The following HECW1 variants were observed in gnomAD, a reference collection of about 807,000 sequenced individuals.
HECW1 encodes the protein E3 ubiquitin-protein ligase HECW1.
In HECW1, 61 loss-of-function variants were observed where a neutral mutation model predicts 182.3. That is an observed-to-expected ratio of 0.33 (90% CI 0.27 to 0.41). The LOEUF (loss-of-function observed/expected upper bound fraction) is 0.41. HECW1 is among the 10% of genes least tolerant of loss of function. The pLI, the probability that HECW1 is intolerant of heterozygous loss-of-function variation, is 1.00. For missense variants in HECW1, 1,739 were observed against 2,108.9 expected, an observed-to-expected ratio of 0.82 and a Z score of 3.44; for synonymous variants, 859 against 832.6, an observed-to-expected ratio of 1.03 and a Z score of -0.55.
At chr7:43,469,946 G>A (rs75824139) in intron 16 of HECW1, among the ~76,000 whole-genome samples, 1,580 of 152,270 alleles carry the variant, frequency 0.01, 29 homozygotes, top group African/African-American at 0.036. Context: ...ATGTCCCCTC[G>A]AAGCCATGAG....
At chr7:43,349,489 A>G (rs1814116808) in intron 5 of HECW1, among the ~76,000 whole-genome samples, 1 of 152,178 alleles carries the variant, frequency 6.6e-6, no homozygotes, top group Non-Finnish European at 1.5e-5. Flanking sequence ...GTTGCTGTCT[A>G]TATCATTTCT....
rs10574466 is a variant in HECW1 at position 43,401,567 on chromosome 7, G to GTTTTTTT, written c.631+4691_631+4697dup. On this transcript the variant is annotated intron_variant, in intron 7 of 29. Transcript: ENST00000395891. ...ACCTAGACAAATCTCATTTAAAAAG[G>GTTTTTTT]TTTTTTTTTTTTTTTTTTTCCCCCA... Among the ~76,000 whole-genome samples, 321 of 123,144 alleles carry GTTTTTTT rather than the reference G, an allele frequency of 2.6e-3. 3 individuals carry two copies. The highest frequency in any genetic ancestry group is 4.3e-3 in the South Asian group (15 of 3,476). The allele number at this position is 123,144 out of a possible 152,430, so 80.8% of individuals were successfully genotyped here. A position where few individuals can be genotyped will look rare whatever the true frequency, so the allele number is the denominator to read the frequency against.
intron 8 of HECW1, 86 bp downstream of exon 8, chr7:43,407,817 G>A (rs2075661813): frequency 8.1e-7 from 1 of 1,230,640 alleles, no homozygotes; most frequent in Admixed American, 2.2e-5. Flanking sequence ...CTCCATTCAT[G>A]GAGCCCTGGA....
At chr7:43,308,045 T>TATATTATATATTATATTATATA (rs1562812639) in intron 3 of HECW1, among the ~76,000 whole-genome samples, 2 of 112,108 alleles carry the variant, frequency 1.8e-5, no homozygotes, top group Non-Finnish European at 1.7e-5. Flanking sequence ...TATATTGTAT[T>TATATTATATATTATATTATATA]ATATATAATA....
chr7:43,313,908 G>A (rs977127807), intron 4 of HECW1, among the ~76,000 whole-genome samples: 4 of 152,140 alleles, frequency 2.6e-5, no homozygotes, highest in African/African-American at 4.8e-5. Flanking sequence ...TAGCACTTGA[G>A]GCAATTAGGT....
chr7:43,377,854 A>G (rs893113868), intron 6 of HECW1: 1 of 197,374 alleles, frequency 5.1e-6, no homozygotes, highest in Non-Finnish European at 1.1e-5. Flanking sequence ...AGCTATGGAT[A>G]ATTTCCCTGC....
chr7:43,471,051 G>A (rs1246846650), intron 16 of HECW1, among the ~76,000 whole-genome samples: 1 of 152,172 alleles, frequency 6.6e-6, no homozygotes, highest in Non-Finnish European at 1.5e-5. Flanking sequence ...TTTACAACCA[G>A]ATAAATAAGT....
rs901626538 is a variant in HECW1, at chr7:43,243,124, T to C, written c.-31-751T>C. Among the ~76,000 whole-genome samples, 1 of 152,198 alleles carries C rather than the reference T, an allele frequency of 6.6e-6. No individual in the cohort carries two copies. The highest frequency in any genetic ancestry group is 2.1e-4 in the South Asian group (1 of 4,828). On this transcript the variant is annotated intron_variant, in intron 2 of 29. Coordinates refer to ENST00000395891, the MANE Select transcript of HECW1 (RefSeq NM_015052.5). This position sits in a 1 kb window ranked among gnomAD's most constrained non-coding sequence, Gnocchi z 4.0. ...CCACATTGATTATTTTCATGGTGAC[T>C]GTAACTCCCAAGGAAGATGAGGTTA...
rs753461412 is a variant in HECW1 at position 43,479,596 on chromosome 7, T to C, written c.3100-14T>C. ...CACACCACACGGTGCTTTTTTTCACTGGTCTGTTCGCAGTCTTTTTTCGTG... is the reference window on the plus strand; with the variant it reads ...CACACCACACGGTGCTTTTTTTCACCGGTCTGTTCGCAGTCTTTTTTCGTG... On this transcript the variant is annotated splice_polypyrimidine_tract_variant and intron_variant, in intron 16 of 29. Coordinates refer to ENST00000395891, the MANE Select transcript of HECW1 (RefSeq NM_015052.5). The C allele has an allele frequency of 1.2e-6, 2 of 1,614,054 alleles. No individual in the cohort carries two copies. Among genetic ancestry groups the C allele is most frequent in the Non-Finnish European group, 1.7e-6 (2 of 1,179,930 alleles).
intron 3 of HECW1, among the ~76,000 whole-genome samples, chr7:43,278,842 C>T (rs1006013154): frequency 3.3e-5 from 5 of 152,158 alleles, no homozygotes; most frequent in Admixed American, 6.5e-5. Context: ...AACTCCCTTC[C>T]CTGCCTCACA....
chr7:43,117,515 A>G (rs895464570), intron 2 of HECW1, among the ~76,000 whole-genome samples: 2 of 127,900 alleles, frequency 1.6e-5, no homozygotes, highest in African/African-American at 3.2e-5. Context: ...ATTCATTACC[A>G]TTGCTTTTCC....
At chr7:43,193,004 A>T (rs1232442518) in intron 2 of HECW1, among the ~76,000 whole-genome samples, 2 of 152,214 alleles carry the variant, frequency 1.3e-5, no homozygotes, top group Non-Finnish European at 2.9e-5. Flanking sequence ...ATTATATGCT[A>T]AATGATGGTT....
intron 3 of HECW1, among the ~76,000 whole-genome samples, chr7:43,301,978 TAA>T (rs919038506): frequency 1.3e-5 from 2 of 152,072 alleles, no homozygotes; most frequent in African/African-American, 4.8e-5. Flanking sequence ...TATAAGAATT[TAA>T]AAGAGAGCAT....
intron 2 of HECW1, among the ~76,000 whole-genome samples, chr7:43,157,584 A>G (rs1433213047): frequency 6.6e-6 from 1 of 152,144 alleles, no homozygotes; most frequent in Non-Finnish European, 1.5e-5. Context: ...TTTTTGAGAC[A>G]GGGTCTCACT....
rs77847815 is a variant in HECW1, at chr7:43,382,695, G to C, written c.556-14119G>C. The stretch of plus-strand genomic sequence containing the variant: ...TCCCACCAGATGGAAGGATAGATGT[G>C]GGGGGAGGGGTTGGATAAATGAGTG... On this transcript the variant is annotated intron_variant, in intron 6 of 29. Coordinates refer to ENST00000395891, the MANE Select transcript of HECW1 (RefSeq NM_015052.5). Among the ~76,000 whole-genome samples, 567 of 152,248 alleles carry C rather than the reference G, an allele frequency of 3.7e-3. 3 individuals carry two copies. The highest frequency in any genetic ancestry group is 0.013 in the African/African-American group (541 of 41,544).
At chr7:43,277,289 G>A (rs917699340) in intron 3 of HECW1, among the ~76,000 whole-genome samples, 3 of 152,006 alleles carry the variant, frequency 2.0e-5, no homozygotes, top group Admixed American at 6.6e-5. Context: ...GCCACCTGCC[G>A]CCATGACGCT....
At chr7:43,471,224 G>A (rs2078010170) in intron 16 of HECW1, among the ~76,000 whole-genome samples, 1 of 152,220 alleles carries the variant, frequency 6.6e-6, no homozygotes, top group Non-Finnish European at 1.5e-5. Flanking sequence ...AATAGATTGA[G>A]AAAAGTATGT....
intron 11 of HECW1, among the ~76,000 whole-genome samples, chr7:43,446,345 A>C (rs1001234723): frequency 1.3e-5 from 2 of 152,232 alleles, no homozygotes; most frequent in Non-Finnish European, 2.9e-5. Context: ...ATGTGAAATT[A>C]ATTTGCATTT....
chr7:43,242,535 T>A (rs1798984857), intron 2 of HECW1, among the ~76,000 whole-genome samples: 1 of 151,794 alleles, frequency 6.6e-6, no homozygotes. Flanking sequence ...AGATCCTGAG[T>A]TTTTCTTGCA....
Sources: allele counts gnomAD v4.1 joint callset (sites outside exome capture counted in the v4.1 genomes callset), GRCh38; gene constraint gnomAD v4.1.1; non-coding constraint Gnocchi (gnomAD v3.1); transcripts MANE v1.5; gene names NCBI Gene and HGNC (gene_info 2026-07-23, HGNC 2026-07-21).